ACAP3: variants seen among roughly 807,000 people sequenced by gnomAD.
ACAP3 encodes ArfGAP with coiled-coil, ankyrin repeat and PH domains 3.
In ACAP3, 56 loss-of-function variants were observed where a neutral mutation model predicts 104.1. The observed-to-expected ratio is 0.54, with a 90% CI of 0.43 to 0.67. The LOEUF (loss-of-function observed/expected upper bound fraction) is 0.67, where lower values mean the gene tolerates loss of function less well. ACAP3 is among the 30% of genes least tolerant of loss of function. The probability of loss-of-function intolerance (pLI) is 0.00; values close to 1 mark genes in which losing one functional copy is unlikely to be tolerated. For synonymous variants in ACAP3, 628 were observed against 496.2 expected, an observed-to-expected ratio of 1.27 and a Z score of -3.53; for missense variants, 1,208 against 1,174.9, an observed-to-expected ratio of 1.03 and a Z score of -0.41.
intron 22 of ACAP3, 23 bp from the exon 23 acceptor site, chr1:1,293,956 C>G (rs373677322): frequency 2.0e-6 from 2 of 994,574 alleles, no homozygotes; most frequent in South Asian, 2.9e-5. Context: ...GTCGGAGGGG[C>G]GTGTCGGGGC....
Position 1,303,475 on chromosome 1 carries a change from A to C in ACAP3, c.106-194T>G. Reference sequence around the variant, plus strand: ...GGCTTGGAGGCCCGTCTGGGAGGGGAGGGTGGGGCCGCCACGGCTCGGCTG... The same window carrying C: ...GGCTTGGAGGCCCGTCTGGGAGGGGCGGGTGGGGCCGCCACGGCTCGGCTG... On this transcript the variant is annotated intron_variant, in intron 2 of 23. Coordinates refer to ENST00000354700, the MANE Select transcript of ACAP3 (RefSeq NM_030649.3). The surrounding 1 kb of genome is among the most constrained non-coding windows in gnomAD (Gnocchi z 4.0). The C allele has an allele frequency of 3.1e-6, 1 of 327,094 alleles. No individual in the cohort carries two copies. The highest frequency in any genetic ancestry group is 4.1e-5 in the Admixed American group (1 of 24,590). 20.3% of individuals were successfully genotyped at this position (327,094 alleles called of 1,614,324 possible).
At chr1:1,307,482 C>T in intron 1 of ACAP3, 1 of 1,270,788 alleles carries the variant, frequency 7.9e-7, no homozygotes, top group Non-Finnish European at 1.0e-6. Context: ...GGGGCTCAGC[C>T]CAGTGGAGGT....
In ACAP3 at chr1:1,295,725, T is replaced by C; in HGVS notation, c.1705+11A>G. ...AGCCCCTCCCAGCCCTGCCGGGGCA[T>C]GGCCTCCCACCTGAGGACAGAGCGG... is the stretch of plus-strand genomic sequence containing the variant. On this transcript the variant is annotated intron_variant, in intron 18 of 23. Coordinates refer to ENST00000354700, the MANE Select transcript of ACAP3 (RefSeq NM_030649.3). 1.3e-6 allele frequency: 2 copies of C among 1,592,484 alleles called. No individual in the cohort carries two copies. Among genetic ancestry groups the C allele is most frequent in the Non-Finnish European group, 1.7e-6 (2 of 1,170,192 alleles).
chr1:1,303,170 C>G lies in ACAP3; in HGVS notation c.217G>C (p.Val73Leu), dbSNP rs532645854. Residue 73 changes from valine to leucine, a missense_variant, in exon 3 of 24, where the codon GTC becomes CTC. By Grantham distance (32) the Val-to-Leu change is conservative. Transcript: ENST00000354700. This position sits in a 1 kb window ranked among gnomAD's most constrained non-coding sequence, Gnocchi z 4.0. ...GTCAGTCGGCCCCTCACCGAGATGA[C>G]GGTGTCGCCCTGGCACTGCTGGGAC... ...DLSQQCQGDT[V>L]ISECLQRFAD... is the part of the protein sequence containing the mutation. 1.2e-6 allele frequency: 2 copies of G among 1,601,242 alleles called. No individual in the cohort carries two copies. The highest frequency in any genetic ancestry group is 1.7e-6 in the Non-Finnish European group (2 of 1,175,020).
intron 21 of ACAP3, 33 bp from the exon 22 acceptor site, chr1:1,294,232 G>A (rs1403718974): frequency 1.3e-5 from 20 of 1,549,842 alleles, no homozygotes; most frequent in East Asian, 2.4e-5. Flanking sequence ...ACGGAGCCAC[G>A]GCACCGGCCC....
In ACAP3 at chr1:1,293,674, C is replaced by A; in HGVS notation, c.2395G>T (p.Glu799Ter). 6.9e-7 allele frequency: 1 copy of A among 1,443,656 alleles called. No individual in the cohort carries two copies. The highest frequency in any genetic ancestry group is 9.0e-7 in the Non-Finnish European group (1 of 1,107,866). 89.4% of individuals were successfully genotyped at this position (1,443,656 alleles called of 1,614,324 possible). A position where few individuals can be genotyped will look rare whatever the true frequency, so the allele number is the denominator to read the frequency against. Residue 799 changes from glutamate to a stop codon, truncating the protein, a stop_gained, in exon 24 of 24, where the codon GAG becomes TAG. Transcript: ENST00000354700. LOFTEE classifies it high-confidence loss of function. ...GGGGGACCAGGGGCAGCCTCGGCCT[C>A]GCGCATTTCCTCCGCCATGCGCGCC... is the stretch of plus-strand genomic sequence containing the variant. ...RLARMAEEMR[E>*]AEAAPGPPGA...
intron 14 of ACAP3, 151 bp from the exon 15 acceptor site, chr1:1,296,784 T>G (rs983875962): frequency 1.3e-6 from 1 of 792,052 alleles, no homozygotes; most frequent in African/African-American, 1.7e-5. Flanking sequence ...CACCCTCACG[T>G]GGGCAGATGG....
intron 19 of ACAP3, 53 bp from the exon 20 acceptor site, chr1:1,294,869 C>A: frequency 6.5e-7 from 1 of 1,530,664 alleles, no homozygotes; most frequent in Non-Finnish European, 8.8e-7. Flanking sequence ...AGACTCCGTC[C>A]AGAGCCCTGG....
At chr1:1,305,949 C>A (rs1309943102) in intron 1 of ACAP3, 1 of 152,276 alleles carries the variant, frequency 6.6e-6, no homozygotes, top group Admixed American at 6.5e-5. Flanking sequence ...TTCCCGCCCA[C>A]CCTGCCTGGC....
chr1:1,303,843 G>C lies in ACAP3; in HGVS notation c.105+243C>G. On this transcript the variant is annotated intron_variant, in intron 2 of 23. Coordinates refer to ENST00000354700, the MANE Select transcript of ACAP3 (RefSeq NM_030649.3). The surrounding 1 kb of genome is among the most constrained non-coding windows in gnomAD (Gnocchi z 4.0). ...AGGGGACGGGCAGCCACCGTGGGTC[G>C]GGGACTCACCACAGCCCAGCCCCTC... 1.7e-6 allele frequency: 1 copy of C among 587,202 alleles called. No individual in the cohort carries two copies. The highest frequency in any genetic ancestry group is 3.0e-6 in the Non-Finnish European group (1 of 331,444). 36.4% of individuals were successfully genotyped at this position (587,202 alleles called of 1,614,324 possible).
intron 1 of ACAP3, chr1:1,306,997 G>A (rs969668059): frequency 1.3e-5 from 6 of 447,704 alleles, no homozygotes; most frequent in African/African-American, 6.0e-5. Flanking sequence ...AGGGAGGCAC[G>A]CAGAGGGGCA....
Position 1,303,048 on chromosome 1 carries a change from C to T in ACAP3, c.226-73G>A, listed in dbSNP as rs886258292. Reference sequence around the variant, plus strand: ...AGGTCACCCAGCCACGCCCTCTGAGCCCCTGGGCGGTGCAGACACCGGCCT... The same window carrying T: ...AGGTCACCCAGCCACGCCCTCTGAGTCCCTGGGCGGTGCAGACACCGGCCT... On this transcript the variant is annotated intron_variant, in intron 3 of 23. Coordinates refer to ENST00000354700, the MANE Select transcript of ACAP3 (RefSeq NM_030649.3). The surrounding 1 kb of genome is among the most constrained non-coding windows in gnomAD (Gnocchi z 4.0). The T allele has an allele frequency of 2.5e-5, 39 of 1,560,820 alleles. No individual in the cohort carries two copies. The highest frequency in any genetic ancestry group is 3.2e-5 in the Non-Finnish European group (37 of 1,151,778).
At chr1:1,299,509 T>C (rs1641350375) in intron 9 of ACAP3, 153 bp from the exon 10 acceptor site, 1 of 975,428 alleles carries the variant, frequency 1.0e-6, no homozygotes, top group South Asian at 1.8e-5. Flanking sequence ...AAATAGCCAC[T>C]CCTGCCTGCA....
chr1:1,304,519 C>T (rs1252433099), intron 1 of ACAP3: 1 of 333,562 alleles, frequency 3.0e-6, no homozygotes, highest in East Asian at 7.1e-5. Context: ...GCCCCTCAAC[C>T]CTGCGGCACC....
chr1:1,299,915 G>A lies in ACAP3; in HGVS notation c.664-10C>T, dbSNP rs1231603045. 2 of 1,587,842 alleles carry A rather than the reference G, an allele frequency of 1.3e-6. No homozygotes were observed. The highest frequency in any genetic ancestry group is 1.3e-5 in the African/African-American group (1 of 74,464). ...TCACCAGCTGGTCCAGCTGTTGGGGGTGGCATTAGGGAAGGTCACGGAGGC... is the reference window on the plus strand; with the variant it reads ...TCACCAGCTGGTCCAGCTGTTGGGGATGGCATTAGGGAAGGTCACGGAGGC... On this transcript the variant is annotated splice_polypyrimidine_tract_variant and intron_variant, in intron 8 of 23. Coordinates refer to ENST00000354700, the MANE Select transcript of ACAP3 (RefSeq NM_030649.3).
chr1:1,293,999 C>G, intron 22 of ACAP3, 66 bp from the exon 23 acceptor site: 2 of 1,465,462 alleles, frequency 1.4e-6, no homozygotes, highest in South Asian at 2.7e-5. Flanking sequence ...GTCGCGGGGG[C>G]GTGGCCGGAT....
Position 1,299,769 on chromosome 1 carries a change from G to A in ACAP3, c.738+62C>T, listed in dbSNP as rs911231810. The stretch of plus-strand genomic sequence containing the variant: ...GGGCGGGGAGGGTGTGCCGGGCATG[G>A]GGTGAGGACGCAGGGGCCTCCCAGG... On this transcript the variant is annotated intron_variant, in intron 9 of 23. Coordinates refer to ENST00000354700, the MANE Select transcript of ACAP3 (RefSeq NM_030649.3). The A allele has an allele frequency of 4.0e-6, 6 of 1,486,120 alleles. No individual in the cohort carries two copies. In the African/African-American group the frequency reaches 7.0e-5, roughly 17 times the overall value. The allele number at this position is 1,486,120 out of a possible 1,614,324, so 92.1% of individuals were successfully genotyped here. A position where few individuals can be genotyped will look rare whatever the true frequency, so the allele number is the denominator to read the frequency against.
Position 1,298,679 on chromosome 1 carries a change from C to G in ACAP3, c.751G>C (p.Asp251His). 9 of 1,611,674 alleles carry G rather than the reference C, an allele frequency of 5.6e-6. No homozygotes were observed. Among genetic ancestry groups the G allele is most frequent in the Non-Finnish European group, 7.6e-6 (9 of 1,179,148 alleles). ...AAIQQRTLLQ[D>H]FSYDESKVEF... ...ACTTTGGACTCATCGTAGGAGAAGTCCTGGGGGGATGGAACCCGCCCCCTC... is the reference window on the plus strand; with the variant it reads ...ACTTTGGACTCATCGTAGGAGAAGTGCTGGGGGGATGGAACCCGCCCCCTC... The change falls in exon 11 of 24, where the codon GAC (aspartate) becomes CAC (histidine). Residue 251 changes from aspartate to histidine, a missense_variant and splice_region_variant. Asp to His is a moderately conservative substitution (Grantham distance 81). Coordinates refer to ENST00000354700, the MANE Select transcript of ACAP3 (RefSeq NM_030649.3).
At chr1:1,307,641 C>G in intron 1 of ACAP3, 128 bp downstream of exon 1, 2 of 962,644 alleles carry the variant, frequency 2.1e-6, no homozygotes, top group Non-Finnish European at 2.6e-6. Flanking sequence ...TGTCCGAGGC[C>G]GGTCCTCCAG....
Sources: allele counts gnomAD v4.1 joint callset, GRCh38; gene constraint gnomAD v4.1.1; non-coding constraint Gnocchi (gnomAD v3.1); transcripts MANE v1.5; gene names NCBI Gene and HGNC (gene_info 2026-07-23, HGNC 2026-07-21).